VWA8: variants seen among roughly 807,000 people sequenced by gnomAD.
VWA8 encodes the protein von Willebrand factor A domain-containing protein 8.
Under a neutral mutation model 241.5 loss-of-function variants are expected in VWA8, and 221 were observed. That is an observed-to-expected ratio of 0.91 (90% CI 0.82 to 1.02). The LOEUF (loss-of-function observed/expected upper bound fraction) is 1.02, where lower values mean the gene tolerates loss of function less well. Ranked by LOEUF, VWA8 falls within the 50% of genes least tolerant of loss-of-function variation. The pLI is 0.00. For synonymous variants in VWA8, 852 were observed against 827.1 expected, an observed-to-expected ratio of 1.03 and a Z score of -0.52; for missense variants, 2,322 against 2,328.7, an observed-to-expected ratio of 1.00 and a Z score of 0.06.
intron 37 of VWA8, among the ~76,000 whole-genome samples, chr13:41,634,177 T>C (rs1349228689): frequency 6.6e-6 from 1 of 152,164 alleles, no homozygotes; most frequent in Non-Finnish European, 1.5e-5. Context: ...AGACTGTAGA[T>C]TAACCCAGGG....
intron 37 of VWA8, among the ~76,000 whole-genome samples, chr13:41,650,944 G>C (rs1190837964): frequency 6.6e-6 from 1 of 152,164 alleles, no homozygotes; most frequent in East Asian, 1.9e-4. Context: ...GTCTGATAAG[G>C]CATATTTAAG....
intron 20 of VWA8, among the ~76,000 whole-genome samples, chr13:41,774,077 A>G (rs540269631): frequency 5.9e-5 from 9 of 152,262 alleles, no homozygotes; most frequent in Non-Finnish European, 1.3e-4. Flanking sequence ...CTAAGCCTAA[A>G]TTTTAAATTC....
intron 43 of VWA8, among the ~76,000 whole-genome samples, chr13:41,571,748 G>A (rs573112036): frequency 6.6e-6 from 1 of 152,230 alleles, no homozygotes; most frequent in Non-Finnish European, 1.5e-5. Flanking sequence ...TGCCGAGATT[G>A]CAGCCTCTAC....
intron 4 of VWA8, among the ~76,000 whole-genome samples, chr13:41,906,768 C>G (rs1032900700): frequency 1.4e-4 from 21 of 152,070 alleles, no homozygotes; most frequent in Admixed American, 6.5e-5. Flanking sequence ...ATAAATATTG[C>G]CAAACTTTCT....
At chr13:41,608,548 G>A (rs2044567324) in intron 39 of VWA8, among the ~76,000 whole-genome samples, 1 of 152,060 alleles carries the variant, frequency 6.6e-6, no homozygotes, top group Non-Finnish European at 1.5e-5. Context: ...TAAGAGTCTG[G>A]GAATTTTAGT....
intron 26 of VWA8, among the ~76,000 whole-genome samples, chr13:41,711,839 A>C (rs2045320218): frequency 1.3e-5 from 2 of 151,974 alleles, no homozygotes; most frequent in East Asian, 1.9e-4. Flanking sequence ...ATGCCACTGC[A>C]CTCCAGCCTG....
intron 40 of VWA8, among the ~76,000 whole-genome samples, chr13:41,592,558 CTT>C (rs1362413607): frequency 6.8e-6 from 1 of 147,084 alleles, no homozygotes; most frequent in Non-Finnish European, 1.5e-5. Flanking sequence ...GATCTTTACT[CTT>C]ATTTGTTTTG....
chr13:41,759,625 T>C (rs1173802350), intron 21 of VWA8, among the ~76,000 whole-genome samples: 1 of 151,786 alleles, frequency 6.6e-6, no homozygotes. Flanking sequence ...ATTATGTTCA[T>C]TTTTCTCCCT....
At chr13:41,872,185 C>A (rs1451792567) in intron 9 of VWA8, among the ~76,000 whole-genome samples, 1 of 152,030 alleles carries the variant, frequency 6.6e-6, no homozygotes. Flanking sequence ...TGTTTGAGTT[C>A]TTTGTAGATT....
At chr13:41,862,489 A>G (rs1873049507) in intron 12 of VWA8, among the ~76,000 whole-genome samples, 1 of 152,260 alleles carries the variant, frequency 6.6e-6, no homozygotes, top group Non-Finnish European at 1.5e-5. Flanking sequence ...AAAAGGAGCT[A>G]TCAGCAAAGT....
At chr13:41,638,383 C>T (rs1353041756) in intron 37 of VWA8, among the ~76,000 whole-genome samples, 1 of 152,138 alleles carries the variant, frequency 6.6e-6, no homozygotes, top group Non-Finnish European at 1.5e-5. Context: ...CTACCAACCA[C>T]CTGAAACCAC....
rs902841491 is a variant in VWA8, at chr13:41,889,581, G to A, written c.651+1839C>T. ...TTTAGTAGAAACGAGGTTTTACCAT[G>A]TTGGCCAGGCTGATCTTGAACTCCT... On this transcript the variant is annotated intron_variant, in intron 5 of 44. Transcript: ENST00000379310. Among the ~76,000 whole-genome samples the A allele has an allele frequency of 2.6e-5, 4 of 152,064 alleles. No homozygotes were observed. The East Asian group carries it at 7.7e-4, about 29-fold the overall frequency.
chr13:41,811,430 C>T, intron 16 of VWA8, 90 bp from the exon 17 acceptor site: 1 of 1,026,064 alleles, frequency 9.7e-7, no homozygotes, highest in Admixed American at 2.1e-5. Context: ...TTCATTATTA[C>T]TGAAGGGGTA....
At chr13:41,883,894 T>A (rs1874386722) in intron 8 of VWA8, among the ~76,000 whole-genome samples, 1 of 152,224 alleles carries the variant, frequency 6.6e-6, no homozygotes, top group Non-Finnish European at 1.5e-5. Flanking sequence ...ATTCCTAAGT[T>A]AATCTCATCC....
At chr13:41,892,017 T>C (rs778298109) in intron 4 of VWA8, among the ~76,000 whole-genome samples, 3 of 152,190 alleles carry the variant, frequency 2.0e-5, no homozygotes, top group Non-Finnish European at 2.9e-5. Flanking sequence ...GTGAGAAGGC[T>C]TGGAGACTGT....
intron 2 of VWA8, among the ~76,000 whole-genome samples, chr13:41,942,082 T>G (rs936613226): frequency 2.6e-5 from 4 of 152,210 alleles, no homozygotes; most frequent in African/African-American, 9.6e-5. Flanking sequence ...CCAATTATCA[T>G]GTGCCCATGG....
rs1012826274 is a variant in VWA8 at position 41,703,550 on chromosome 13, A to G, written c.3117-139T>C. On this transcript the variant is annotated intron_variant, in intron 26 of 44. Coordinates refer to ENST00000379310, the MANE Select transcript of VWA8 (RefSeq NM_015058.2). ...GAAGTGAGTTATACATCATTTTATT[A>G]AACGACAGTGTATAAAATCATGTTT... 7.6e-6 allele frequency: 5 copies of G among 654,532 alleles called. No homozygotes were observed. The Admixed American group carries it at 1.2e-4, about 15-fold the overall frequency. The allele number at this position is 654,532 out of a possible 1,614,324, so 40.5% of individuals were successfully genotyped here. A position where few individuals can be genotyped will look rare whatever the true frequency, so the allele number is the denominator to read the frequency against.
intron 44 of VWA8, among the ~76,000 whole-genome samples, chr13:41,569,231 T>G (rs1317507718): frequency 6.6e-6 from 1 of 152,246 alleles, no homozygotes; most frequent in East Asian, 1.9e-4. Flanking sequence ...CACAAGGGTA[T>G]TATTGTGCTT....
chr13:41,607,535 C>A (rs13378839), intron 39 of VWA8, among the ~76,000 whole-genome samples: 2,470 of 152,278 alleles, frequency 0.016, 71 homozygotes, highest in African/African-American at 0.056. Context: ...ATGCCACCTA[C>A]CCCTTCATAC....
Sources: gnomAD v4.1 joint callset for allele counts (sites outside exome capture counted in the v4.1 genomes callset) on GRCh38, gnomAD v4.1.1 for gene constraint, MANE v1.5 for transcripts, NCBI Gene and HGNC (gene_info 2026-07-23, HGNC 2026-07-21) for gene names.